Variants in GLCCI1 observed in about 807,000 individuals in gnomAD.
GLCCI1 encodes glucocorticoid induced 1.
A neutral mutation model predicts 52.2 loss-of-function variants in GLCCI1; 24 were observed. The ratio of observed to expected loss-of-function variants is 0.46; its 90% CI spans 0.33 to 0.65. The LOEUF (loss-of-function observed/expected upper bound fraction) is 0.65, where lower values mean the gene tolerates loss of function less well. GLCCI1 is among the 30% of genes least tolerant of loss of function. GLCCI1 has a pLI of 0.02. For synonymous variants in GLCCI1, 310 were observed against 276.5 expected (o/e 1.12, Z -1.20); for missense variants, 704 against 701.5 (o/e 1.00, Z -0.04).
At chr7:8,021,324 A>G (rs553886899) in intron 2 of GLCCI1, among the ~76,000 whole-genome samples, 1 of 152,304 alleles carries the variant, frequency 6.6e-6, no homozygotes, top group East Asian at 1.9e-4. Flanking sequence ...TGTGACAATC[A>G]TTGCCCTTTA....
intron 1 of GLCCI1, among the ~76,000 whole-genome samples, chr7:7,991,068 A>G (rs1301507683): frequency 2.0e-5 from 3 of 152,142 alleles, no homozygotes; most frequent in Admixed American, 6.5e-5. Context: ...GCTTTGCAGC[A>G]GTAGATTAGC....
chr7:7,990,726 A>C lies in GLCCI1; in HGVS notation c.458-13182A>C, dbSNP rs77425605. On this transcript the variant is annotated intron_variant, in intron 1 of 7. Transcript: ENST00000223145. ...TTTGGCCTTTCCGACTTTATGAAGC[A>C]CTCAATTTTGGATAAGCTACTGCTT... Among the ~76,000 whole-genome samples, 1,246 of 152,198 alleles carry C rather than the reference A, an allele frequency of 8.2e-3. 21 individuals carry two copies. Among genetic ancestry groups the C allele is most frequent in the African/African-American group, 0.028 (1,178 of 41,556 alleles).
intron 3 of GLCCI1, among the ~76,000 whole-genome samples, chr7:8,031,951 A>T (rs1781760966): frequency 6.6e-6 from 1 of 152,034 alleles, no homozygotes; most frequent in African/African-American, 2.4e-5. Context: ...TACATTAAGC[A>T]AAAAATGTAA....
intron 1 of GLCCI1, among the ~76,000 whole-genome samples, chr7:7,974,900 T>G (rs1780431395): frequency 6.6e-6 from 1 of 152,206 alleles, no homozygotes; most frequent in African/African-American, 2.4e-5. Flanking sequence ...ATTTATTCTT[T>G]TATTAAGTGT....
At chr7:8,045,862 C>G (rs1583997430) in intron 3 of GLCCI1, among the ~76,000 whole-genome samples, 1 of 151,704 alleles carries the variant, frequency 6.6e-6, no homozygotes, top group East Asian at 1.9e-4. Flanking sequence ...TAAGATGAAC[C>G]TGCAAACAAA....
intron 6 of GLCCI1, among the ~76,000 whole-genome samples, chr7:8,083,987 A>G (rs1783049135): frequency 6.6e-6 from 1 of 152,232 alleles, no homozygotes; most frequent in African/African-American, 2.4e-5. Context: ...AAAATAATAC[A>G]TTTCAATAGA....
At chr7:8,029,513 A>G (rs1206170823) in intron 3 of GLCCI1, among the ~76,000 whole-genome samples, 2 of 152,074 alleles carry the variant, frequency 1.3e-5, no homozygotes, top group African/African-American at 2.4e-5. Context: ...GAAAAGAAGG[A>G]TGTTCACTTT....
At chr7:7,971,918 C>G (rs569092381) in intron 1 of GLCCI1, among the ~76,000 whole-genome samples, 7 of 152,226 alleles carry the variant, frequency 4.6e-5, no homozygotes, top group East Asian at 1.9e-4. Context: ...GTTTTAAACA[C>G]CAGGTGGTTT....
chr7:8,062,411 G>A (rs1272651086), intron 5 of GLCCI1, among the ~76,000 whole-genome samples: 1 of 152,172 alleles, frequency 6.6e-6, no homozygotes, highest in African/African-American at 2.4e-5. Context: ...GAGTAGAATA[G>A]TTATTGCTGT....
intron 1 of GLCCI1, among the ~76,000 whole-genome samples, chr7:7,972,372 G>T (rs1187447934): frequency 6.6e-6 from 1 of 152,052 alleles, no homozygotes; most frequent in Non-Finnish European, 1.5e-5. Context: ...AACTGCGTTT[G>T]AAACTACACT....
At chr7:8,085,532 G>A (rs1049756282) in intron 7 of GLCCI1, among the ~76,000 whole-genome samples, 4 of 152,244 alleles carry the variant, frequency 2.6e-5, no homozygotes, top group African/African-American at 9.6e-5. Context: ...ACTGGGCAGA[G>A]TAGCTCAGAA....
intron 1 of GLCCI1, among the ~76,000 whole-genome samples, chr7:7,984,353 C>T (rs1221496766): frequency 6.6e-6 from 1 of 152,152 alleles, no homozygotes; most frequent in East Asian, 1.9e-4. Context: ...CCAGTGCTGA[C>T]CCTGAATCTG....
At chr7:8,050,401 T>C (rs1329271435) in intron 3 of GLCCI1, among the ~76,000 whole-genome samples, 4 of 152,216 alleles carry the variant, frequency 2.6e-5, no homozygotes, top group Admixed American at 6.5e-5. Flanking sequence ...TTTGAGATTT[T>C]TGTTGAGGGA....
At chr7:8,044,229 GC>G (rs1782070393) in intron 3 of GLCCI1, among the ~76,000 whole-genome samples, 1 of 152,274 alleles carries the variant, frequency 6.6e-6, no homozygotes, top group Non-Finnish European at 1.5e-5. Context: ...ACAGACATGA[GC>G]CACCGTGCCT....
Position 8,009,881 on chromosome 7 carries a change from C to T in GLCCI1, c.609+5822C>T, listed in dbSNP as rs148264397. Reference sequence around the variant, plus strand: ...AGCTTTTCAAAAGATTCAGTGTGGACGTAAAATCAGTATCAAAATAGAATG... The same window carrying T: ...AGCTTTTCAAAAGATTCAGTGTGGATGTAAAATCAGTATCAAAATAGAATG... On this transcript the variant is annotated intron_variant, in intron 2 of 7. Coordinates refer to ENST00000223145, the MANE Select transcript of GLCCI1 (RefSeq NM_138426.4). Among the ~76,000 whole-genome samples the T allele has an allele frequency of 1.3e-3, 191 of 147,996 alleles. 1 individual carries two copies. The highest frequency in any genetic ancestry group is 2.0e-3 in the Non-Finnish European group (137 of 67,422).
At chr7:8,009,174 AT>A (rs1781211451) in intron 2 of GLCCI1, among the ~76,000 whole-genome samples, 1 of 152,204 alleles carries the variant, frequency 6.6e-6, no homozygotes, top group African/African-American at 2.4e-5. Context: ...CATTTGTGAA[AT>A]TTAATATTTT....
intron 6 of GLCCI1, among the ~76,000 whole-genome samples, chr7:8,075,386 C>G (rs1351158020): frequency 1.3e-5 from 2 of 152,216 alleles, no homozygotes; most frequent in Non-Finnish European, 2.9e-5. Context: ...TACTACTGCT[C>G]TTCTCTGTGT....
At chr7:7,992,106 T>TCTG (rs1236938053) in intron 1 of GLCCI1, among the ~76,000 whole-genome samples, 14 of 112,114 alleles carry the variant, frequency 1.2e-4, no homozygotes, top group East Asian at 4.7e-4. Flanking sequence ...TTTCTGTCTG[T>TCTG]TTCTCTCTCT....
In GLCCI1 at chr7:8,063,760, A is replaced by T. The variant is rs80050377; in HGVS notation, c.966+3512A>T. 1.3e-3 allele frequency among the ~76,000 whole-genome samples: 198 copies of T among 151,070 alleles called. 3 individuals carry two copies. The East Asian group carries it at 0.037, about 28-fold the overall frequency. ...CAGCCTCCTGAGTAGCTGGGACTAC[A>T]GTCCTGTCCCACCACAGCCAGCTGA... On this transcript the variant is annotated intron_variant, in intron 5 of 7. Transcript: ENST00000223145.
Sources: allele counts gnomAD v4.1 joint callset (sites outside exome capture counted in the v4.1 genomes callset), GRCh38; gene constraint gnomAD v4.1.1; transcripts MANE v1.5; gene names NCBI Gene and HGNC (gene_info 2026-07-23, HGNC 2026-07-21).